GRIK4: variants seen among roughly 807,000 people sequenced by gnomAD.
GRIK4 encodes the protein glutamate receptor ionotropic, kainate 4.
Under a neutral mutation model 104.9 loss-of-function variants are expected in GRIK4, and 40 were observed. The ratio of observed to expected loss-of-function variants is 0.38; its 90% CI spans 0.30 to 0.50. The LOEUF (loss-of-function observed/expected upper bound fraction) is 0.50, where lower values mean the gene tolerates loss of function less well. Among genes scored for constraint, GRIK4 ranks in the 20% least tolerant of loss-of-function variants. GRIK4 has a pLI of 0.93. For missense variants in GRIK4, 1,047 were observed against 1,308.1 expected (o/e 0.80, Z 3.08); for synonymous variants, 485 against 524.9 (o/e 0.92, Z 1.04).
At chr11:120,619,156 G>A (rs1949153051) in intron 1 of GRIK4, among the ~76,000 whole-genome samples, 1 of 152,218 alleles carries the variant, frequency 6.6e-6, no homozygotes, top group South Asian at 2.1e-4. Flanking sequence ...GCACTAGTAT[G>A]CCCTGGATGT....
At chr11:120,670,305 CT>C (rs1466592203) in intron 3 of GRIK4, among the ~76,000 whole-genome samples, 2 of 152,222 alleles carry the variant, frequency 1.3e-5, no homozygotes, top group African/African-American at 4.8e-5. Context: ...AAAAATGACT[CT>C]TTTAAGATGT....
chr11:120,836,873 G>A, intron 8 of GRIK4, 29 bp downstream of exon 8: 1 of 1,383,514 alleles, frequency 7.2e-7, no homozygotes, highest in Non-Finnish European at 1.0e-6. Context: ...TCACCTCCTT[G>A]GAAGAGAGTG....
chr11:120,950,924 A>T (rs980638921), intron 14 of GRIK4, among the ~76,000 whole-genome samples: 1 of 152,196 alleles, frequency 6.6e-6, no homozygotes, highest in Non-Finnish European at 1.5e-5. Context: ...TTTGTCCCCC[A>T]GATTTTTCAT....
rs768770260 is a variant in GRIK4, at chr11:120,734,582, T to C, written c.83-68111T>C. Among the ~76,000 whole-genome samples, 32 of 152,232 alleles carry C rather than the reference T, an allele frequency of 2.1e-4. 1 individual carries two copies. The highest frequency in any genetic ancestry group is 4.1e-4 in the South Asian group (2 of 4,834). ...TCTTGTACTTGGATATTGATATCTT[T>C]CTCTAGGTTTGGGAAGTTCTCTGAT... is the stretch of plus-strand genomic sequence containing the variant. On this transcript the variant is annotated intron_variant, in intron 3 of 20. Coordinates refer to ENST00000527524, the MANE Select transcript of GRIK4 (RefSeq NM_014619.5).
intron 1 of GRIK4, among the ~76,000 whole-genome samples, chr11:120,629,829 G>T (rs1483878042): frequency 1.3e-5 from 2 of 152,184 alleles, no homozygotes; most frequent in Admixed American, 1.3e-4. Flanking sequence ...GCCCTCAGAG[G>T]CATCTGCCCA....
At position 120,513,317 on chromosome 11, in the gene GRIK4, C is replaced by T. The variant is rs538027563; in HGVS notation, c.-159+1430C>T. On this transcript the variant is annotated intron_variant, in intron 1 of 20. Coordinates refer to ENST00000527524, the MANE Select transcript of GRIK4 (RefSeq NM_014619.5). The surrounding 1 kb of genome is among the most constrained non-coding windows in gnomAD (Gnocchi z 4.5). ...CGGGAAACTGCGGGCGTGGTATCTCCGGGGAGAGAGGCCGCCTGGGTTGGT... is the reference window on the plus strand; with the variant it reads ...CGGGAAACTGCGGGCGTGGTATCTCTGGGGAGAGAGGCCGCCTGGGTTGGT... 3.9e-5 allele frequency among the ~76,000 whole-genome samples: 6 copies of T among 152,232 alleles called. No homozygotes were observed. The South Asian group carries it at 6.2e-4, about 16-fold the overall frequency.
chr11:120,755,674 A>T (rs977584501), intron 3 of GRIK4, among the ~76,000 whole-genome samples: 6 of 151,580 alleles, frequency 4.0e-5, no homozygotes, highest in Non-Finnish European at 7.4e-5. Context: ...AAAATAATTT[A>T]CTATGCAAAT....
rs373062136 is a variant in GRIK4, at chr11:120,637,204, G to A, written c.-158-16481G>A. Among the ~76,000 whole-genome samples, 11 of 152,278 alleles carry A rather than the reference G, an allele frequency of 7.2e-5. No homozygotes were observed. The East Asian group carries it at 2.1e-3, about 29-fold the overall frequency. On this transcript the variant is annotated intron_variant, in intron 1 of 20. Coordinates refer to ENST00000527524, the MANE Select transcript of GRIK4 (RefSeq NM_014619.5). ...GACGCCAGGTGGGGGTGGGGAGAAA[G>A]TCAGACAGGCAGGGAGCGGGTGTTC...
At chr11:120,577,331 G>A (rs1482358862) in intron 1 of GRIK4, among the ~76,000 whole-genome samples, 1 of 152,052 alleles carries the variant, frequency 6.6e-6, no homozygotes, top group Non-Finnish European at 1.5e-5. Flanking sequence ...CCTGAGAGGG[G>A]TGTGTGGAGG....
chr11:120,642,478 A>ATTT (rs35142789), intron 1 of GRIK4, among the ~76,000 whole-genome samples: 1 of 140,508 alleles, frequency 7.1e-6, no homozygotes, highest in Admixed American at 7.1e-5. Context: ...CTCTCTGGGC[A>ATTT]TTTTTTTTTT....
chr11:120,885,269 G>A (rs1268985747), intron 11 of GRIK4, among the ~76,000 whole-genome samples: 2 of 152,236 alleles, frequency 1.3e-5, no homozygotes, highest in Non-Finnish European at 2.9e-5. Context: ...CTCCGCACAC[G>A]GCAATTTGAG....
rs910732167 is a variant in GRIK4, at chr11:120,729,012, G to A, written c.82+68612G>A. On this transcript the variant is annotated intron_variant, in intron 3 of 20. Transcript: ENST00000527524. ...ATCCCACAAACAAGTGAGAACATGCGAAGTTTGTCTTTCTGTGCCTGGTTT... is the reference window on the plus strand; with the variant it reads ...ATCCCACAAACAAGTGAGAACATGCAAAGTTTGTCTTTCTGTGCCTGGTTT... 8.5e-5 allele frequency among the ~76,000 whole-genome samples: 13 copies of A among 152,140 alleles called. 1 individual carries two copies. The highest frequency in any genetic ancestry group is 4.1e-4 in the South Asian group (2 of 4,832).
At chr11:120,611,753 G>T (rs1216294748) in intron 1 of GRIK4, among the ~76,000 whole-genome samples, 1 of 152,138 alleles carries the variant, frequency 6.6e-6, no homozygotes, top group East Asian at 1.9e-4. Context: ...AAGCTCGGTG[G>T]GGGCGGAGAC....
intron 11 of GRIK4, among the ~76,000 whole-genome samples, chr11:120,897,588 C>G (rs1942615404): frequency 1.3e-4 from 1 of 7,610 alleles, no homozygotes; most frequent in Non-Finnish European, 4.0e-4. Context: ...GGTGACAGAA[C>G]AAGACTCCTT....
intron 1 of GRIK4, among the ~76,000 whole-genome samples, chr11:120,519,831 T>C (rs1947773944): frequency 6.6e-6 from 1 of 151,754 alleles, no homozygotes; most frequent in African/African-American, 2.4e-5. Context: ...CCCTCCCTAA[T>C]TCCTAGATTC....
intron 11 of GRIK4, among the ~76,000 whole-genome samples, chr11:120,876,596 C>T (rs1296110881): frequency 6.6e-6 from 1 of 151,528 alleles, no homozygotes; most frequent in African/African-American, 2.4e-5. Context: ...TCTTTTAACC[C>T]TACAAAATAG....
At chr11:120,802,243 C>T (rs1228119441) in intron 3 of GRIK4, among the ~76,000 whole-genome samples, 12 of 152,210 alleles carry the variant, frequency 7.9e-5, no homozygotes, top group Admixed American at 5.2e-4. Context: ...AGGCCACAGC[C>T]TTCCCTCACA....
Position 120,521,071 on chromosome 11 carries a change from TTTTTGTTTTG to T in GRIK4, c.-159+9199_-159+9208del, listed in dbSNP as rs150979004. 9.8e-3 allele frequency among the ~76,000 whole-genome samples: 1,492 copies of T among 152,144 alleles called. 23 individuals carry two copies. Among genetic ancestry groups the T allele is most frequent in the African/African-American group, 0.034 (1,391 of 41,470 alleles). ...GCTGAAGTTGCAATGCCATTTTCTT[TTTTTGTTTTG>T]TTTTGTTTTGTTTTTCGTTTTTTTG... On this transcript the variant is annotated intron_variant, in intron 1 of 20. Transcript: ENST00000527524.
intron 1 of GRIK4, among the ~76,000 whole-genome samples, chr11:120,562,952 T>C (rs942303525): frequency 1.3e-5 from 2 of 152,150 alleles, no homozygotes; most frequent in African/African-American, 2.4e-5. Context: ...TGGGGGACCC[T>C]ATTTTGGCCT....
Sources: gnomAD v4.1 joint callset for allele counts (sites outside exome capture counted in the v4.1 genomes callset) on GRCh38, gnomAD v4.1.1 for gene constraint, Gnocchi (gnomAD v3.1) non-coding constraint, MANE v1.5 for transcripts, NCBI Gene and HGNC (gene_info 2026-07-23, HGNC 2026-07-21) for gene names.